TRAF3IP1: variants seen among roughly 807,000 people sequenced by gnomAD.
TRAF3IP1 encodes the protein TRAF3-interacting protein 1.
In TRAF3IP1, 53 loss-of-function variants were observed where a neutral mutation model predicts 89.9. That is an observed-to-expected ratio of 0.59 (90% confidence interval 0.47 to 0.74). The LOEUF (loss-of-function observed/expected upper bound fraction) is 0.74, where lower values mean the gene tolerates loss of function less well. Ranked by LOEUF, TRAF3IP1 falls within the 30% of genes least tolerant of loss-of-function variation. TRAF3IP1 has a pLI of 0.00. For missense variants in TRAF3IP1, 806 were observed against 866.1 expected, an observed-to-expected ratio of 0.93 and a Z score of 0.87; for synonymous variants, 311 against 322.1, an observed-to-expected ratio of 0.97 and a Z score of 0.37.
At chr2:238,352,145 G>A (rs1273109235) in intron 12 of TRAF3IP1, among the ~76,000 whole-genome samples, 1 of 152,060 alleles carries the variant, frequency 6.6e-6, no homozygotes, top group East Asian at 1.9e-4. Flanking sequence ...CTAGTAGGTG[G>A]CCCTGGAGAG....
In TRAF3IP1 at chr2:238,349,335, C is replaced by T. The variant is rs1300880230; in HGVS notation, c.1378C>T (p.Arg460Trp). The change falls in exon 12 of 17, where the codon CGG becomes TGG. Residue 460 changes from arginine to tryptophan, a missense_variant. Physicochemically the swap from Arg to Trp is moderately radical, Grantham distance 101. Transcript: ENST00000373327. The part of the protein sequence containing the change: ...ELSSNIRRIP[R>W]PGSARPAPPR... ...AATATTTGGGTTTAGAAGAATTCCT[C>T]GGCCTGGGAGTGCAAGACCAGCCCC... 4.3e-5 allele frequency: 69 copies of T among 1,613,970 alleles called. No individual in the cohort carries two copies. Among genetic ancestry groups the T allele is most frequent in the Non-Finnish European group, 5.3e-5 (62 of 1,180,022 alleles).
rs1444564036 is a variant in TRAF3IP1, at chr2:238,341,247, C to G, written c.1159+2790C>G. Among the ~76,000 whole-genome samples the G allele has an allele frequency of 8.0e-5, 12 of 150,494 alleles. No individual in the cohort carries two copies. The East Asian group carries it at 2.4e-3, about 30-fold the overall frequency. ...TTTGTTGCCTAGGCTGGTTTGAACT[C>G]CTGGGCTCAAGTGATCCTTTCACCT... On this transcript the variant is annotated intron_variant, in intron 8 of 16. Coordinates refer to ENST00000373327, the MANE Select transcript of TRAF3IP1 (RefSeq NM_015650.4).
At position 238,332,858 on chromosome 2, in the gene TRAF3IP1, C is replaced by G. The variant is rs1304676723; in HGVS notation, c.950C>G (p.Ser317Ter). The G allele has an allele frequency of 2.5e-6, 4 of 1,611,256 alleles. No homozygotes were observed. The highest frequency in any genetic ancestry group is 2.5e-6 in the Non-Finnish European group (3 of 1,178,910). Reference sequence around the variant, plus strand: ...TCAGGGGAGATGTCTAAAAAGTTATCAGATGGAACTTTTAAAGACTCCAAG... The same window carrying G: ...TCAGGGGAGATGTCTAAAAAGTTATGAGATGGAACTTTTAAAGACTCCAAG... The part of the protein sequence containing the change: ...ASSGEMSKKL[S>*]DGTFKDSKAE... Residue 317 changes from serine to a stop codon, truncating the protein, a stop_gained, in exon 6 of 17, where the codon TCA becomes TGA. Transcript: ENST00000373327. LOFTEE classifies it high-confidence loss of function.
intron 15 of TRAF3IP1, among the ~76,000 whole-genome samples, chr2:238,396,845 G>T (rs1342934241): frequency 6.6e-6 from 1 of 152,168 alleles, no homozygotes; most frequent in African/African-American, 2.4e-5. Flanking sequence ...GCACAGTCAC[G>T]TCTAAGTCGA....
chr2:238,383,656 G>A (rs1700640340), intron 15 of TRAF3IP1, among the ~76,000 whole-genome samples: 1 of 152,172 alleles, frequency 6.6e-6, no homozygotes, highest in African/African-American at 2.4e-5. Flanking sequence ...CGTCTAGATT[G>A]TCAACATCTT....
intron 15 of TRAF3IP1, among the ~76,000 whole-genome samples, chr2:238,362,428 T>G (rs1699702033): frequency 1.3e-5 from 2 of 152,154 alleles, no homozygotes; most frequent in Non-Finnish European, 2.9e-5. Context: ...CATGGGTCAG[T>G]CTAGAGGTAG....
At chr2:238,352,516 G>A (rs1158349124) in intron 12 of TRAF3IP1, among the ~76,000 whole-genome samples, 2 of 152,128 alleles carry the variant, frequency 1.3e-5, no homozygotes, top group African/African-American at 2.4e-5. Flanking sequence ...GGGTCTTTGT[G>A]CAGTAGAGGG....
At chr2:238,368,622 A>G (rs1172485950) in intron 15 of TRAF3IP1, among the ~76,000 whole-genome samples, 1 of 151,930 alleles carries the variant, frequency 6.6e-6, no homozygotes, top group African/African-American at 2.4e-5. Flanking sequence ...AATCCCTTAA[A>G]GAAAAAAAAT....
chr2:238,372,304 C>T (rs558113027), intron 15 of TRAF3IP1, among the ~76,000 whole-genome samples: 254 of 152,148 alleles, frequency 1.7e-3, no homozygotes, highest in Non-Finnish European at 2.2e-3. Flanking sequence ...CGACAGGCCC[C>T]GGTGTGTGAT....
chr2:238,384,722 A>G (rs1199675152), intron 15 of TRAF3IP1, among the ~76,000 whole-genome samples: 2 of 151,992 alleles, frequency 1.3e-5, no homozygotes, highest in Non-Finnish European at 2.9e-5. Flanking sequence ...CTAAAACTCT[A>G]TGGCTAGAAT....
Position 238,398,794 on chromosome 2 carries a change from G to A in TRAF3IP1, c.1951G>A (p.Ala651Thr), listed in dbSNP as rs199665200. The A allele has an allele frequency of 3.5e-5, 56 of 1,612,146 alleles. No individual in the cohort carries two copies. The highest frequency in any genetic ancestry group is 1.1e-4 in the East Asian group (5 of 44,856). ...CGTGGAGCCCTTAAAGGCTGAGCTC[G>A]CGGAGCTGGAGCAGCTGATCAAAGA... ...CAVEPLKAEL[A>T]ELEQLIKDQQ... is the part of the protein sequence containing the mutation. The change falls in exon 17 of 17, where the codon GCG (alanine) becomes ACG (threonine). Residue 651 changes from alanine to threonine, a missense_variant. Physicochemically the swap from Ala to Thr is moderately conservative, Grantham distance 58. Transcript: ENST00000373327.
chr2:238,356,348 T>C (rs1018994970), intron 15 of TRAF3IP1, among the ~76,000 whole-genome samples: 44 of 151,968 alleles, frequency 2.9e-4, no homozygotes, highest in African/African-American at 1.0e-3. Context: ...AATACAAAAA[T>C]TACCCGGGTG....
Position 238,351,339 on chromosome 2 carries a change from A to G in TRAF3IP1, c.1452-1488A>G, listed in dbSNP as rs1444899672. Among the ~76,000 whole-genome samples the G allele has an allele frequency of 6.6e-6, 1 of 151,242 alleles. No individual in the cohort carries two copies. The highest frequency in any genetic ancestry group is 2.4e-5 in the African/African-American group (1 of 41,020). On this transcript the variant is annotated intron_variant, in intron 12 of 16. Coordinates refer to ENST00000373327, the MANE Select transcript of TRAF3IP1 (RefSeq NM_015650.4). The surrounding 1 kb of genome is among the most constrained non-coding windows in gnomAD (Gnocchi z 5.2). ...GGGTTGGCAGCTGATGGCAGCAATGATGGGGTCGAGGGTGACAAGATTTAA... is the reference window on the plus strand; with the variant it reads ...GGGTTGGCAGCTGATGGCAGCAATGGTGGGGTCGAGGGTGACAAGATTTAA...
intron 1 of TRAF3IP1, among the ~76,000 whole-genome samples, chr2:238,325,103 C>T (rs544242739): frequency 8.3e-4 from 126 of 152,322 alleles, no homozygotes; most frequent in African/African-American, 3.0e-3. Context: ...TCTGTCCACA[C>T]AGCCAGACTA....
At chr2:238,348,513 G>A (rs148743377) in intron 10 of TRAF3IP1, among the ~76,000 whole-genome samples, 1 of 152,226 alleles carries the variant, frequency 6.6e-6, no homozygotes, top group Admixed American at 6.5e-5. Context: ...TTTTATTTCT[G>A]AAGTAGTTGA....
chr2:238,398,593 C>T lies in TRAF3IP1; in HGVS notation c.1911-161C>T, dbSNP rs61168847. Among the ~76,000 whole-genome samples, 867 of 152,136 alleles carry T rather than the reference C, an allele frequency of 5.7e-3. 11 individuals are homozygous for T. The highest frequency in any genetic ancestry group is 0.02 in the African/African-American group (817 of 41,458). ...TTTATAAATCTCATGTTTGACTTCA[C>T]TTTTGGTTGTAGCAGGGGTTGTGAA... On this transcript the variant is annotated intron_variant, in intron 16 of 16. Coordinates refer to ENST00000373327, the MANE Select transcript of TRAF3IP1 (RefSeq NM_015650.4).
chr2:238,330,792 G>A (rs978346755), intron 5 of TRAF3IP1, among the ~76,000 whole-genome samples: 1 of 152,012 alleles, frequency 6.6e-6, no homozygotes, highest in Non-Finnish European at 1.5e-5. Flanking sequence ...GTAATTGAAC[G>A]TAGTGTTCTA....
intron 15 of TRAF3IP1, among the ~76,000 whole-genome samples, chr2:238,370,283 CTG>C (rs749109047): frequency 4.6e-5 from 7 of 151,446 alleles, no homozygotes; most frequent in Non-Finnish European, 8.8e-5. Context: ...ATGTCTGTGT[CTG>C]TGTGTGCATG....
At chr2:238,381,206 A>G (rs957293075) in intron 15 of TRAF3IP1, among the ~76,000 whole-genome samples, 5 of 150,424 alleles carry the variant, frequency 3.3e-5, no homozygotes, top group African/African-American at 1.2e-4. Context: ...GCTTGAACCC[A>G]AGTTTATCTT....
Sources: allele counts gnomAD v4.1 joint callset (sites outside exome capture counted in the v4.1 genomes callset), GRCh38; gene constraint gnomAD v4.1.1; non-coding constraint Gnocchi (gnomAD v3.1); transcripts MANE v1.5; gene names NCBI Gene and HGNC (gene_info 2026-07-23, HGNC 2026-07-21).